The following CCDC7 variants were observed in gnomAD, a reference collection of about 807,000 sequenced individuals.
CCDC7 encodes the protein coiled-coil domain-containing protein 7.
Under a neutral mutation model 196.9 loss-of-function variants are expected in CCDC7, and 183 were observed. The ratio of observed to expected loss-of-function variants is 0.93; its 90% CI spans 0.82 to 1.05. The LOEUF (loss-of-function observed/expected upper bound fraction) is 1.05, where lower values mean the gene tolerates loss of function less well. CCDC7 is among the 50% of genes least tolerant of loss of function. The probability of loss-of-function intolerance (pLI) is 0.00; values close to 1 mark genes in which losing one functional copy is unlikely to be tolerated. For missense variants in CCDC7, 1,540 were observed against 1,482.2 expected, an observed-to-expected ratio of 1.04 and a Z score of -0.64; for synonymous variants, 525 against 484.6, an observed-to-expected ratio of 1.08 and a Z score of -1.10.
chr10:32,757,381 A>T (rs548530188), intron 28 of CCDC7, among the ~76,000 whole-genome samples: 131 of 152,354 alleles, frequency 8.6e-4, no homozygotes, highest in African/African-American at 3.1e-3. Flanking sequence ...ATGTAAAAAA[A>T]CAGAAATTAT....
intron 24 of CCDC7, among the ~76,000 whole-genome samples, chr10:32,695,611 C>T (rs1335598615): frequency 6.6e-6 from 1 of 152,016 alleles, no homozygotes; most frequent in Non-Finnish European, 1.5e-5. Flanking sequence ...CTAGCCCTTG[C>T]CGGGTAGTGT....
intron 8 of CCDC7, among the ~76,000 whole-genome samples, chr10:32,486,382 T>C (rs1423352546): frequency 1.3e-5 from 2 of 151,674 alleles, no homozygotes; most frequent in African/African-American, 4.8e-5. Flanking sequence ...ATTTTGAGCC[T>C]GTGTGTGTCT....
chr10:32,812,105 C>T (rs972584954), intron 30 of CCDC7, among the ~76,000 whole-genome samples: 1 of 152,072 alleles, frequency 6.6e-6, no homozygotes, highest in Non-Finnish European at 1.5e-5. Context: ...CAGCTAACAT[C>T]ATACTGAATG....
At chr10:32,446,382 C>T (rs1360460637) in exon 1 of CCDC7, 2 of 152,324 alleles carry the variant, frequency 1.3e-5, no homozygotes, top group African/African-American at 2.4e-5. Context: ...CACCCGACTT[C>T]CCACAGTCTC....
chr10:32,858,390 G>A (rs1479698865), intron 41 of CCDC7, among the ~76,000 whole-genome samples: 1 of 152,124 alleles, frequency 6.6e-6, no homozygotes, highest in Non-Finnish European at 1.5e-5. Context: ...ATGCAAAAAT[G>A]CTCAATTAAA....
chr10:32,544,399 T>C (rs2052062921), intron 13 of CCDC7, 98 bp downstream of exon 14: 1 of 1,247,284 alleles, frequency 8.0e-7, no homozygotes, highest in African/African-American at 1.5e-5. Context: ...TTATAGGGTA[T>C]ATATGTCTGT....
intron 9 of CCDC7, among the ~76,000 whole-genome samples, chr10:32,503,698 T>C (rs1325151835): frequency 6.6e-6 from 1 of 152,060 alleles, no homozygotes; most frequent in Non-Finnish European, 1.5e-5. Flanking sequence ...TGAGAAGGAT[T>C]GTATTAGTTC....
intron 18 of CCDC7, among the ~76,000 whole-genome samples, chr10:32,632,365 A>G (rs2064999966): frequency 6.6e-6 from 1 of 151,904 alleles, no homozygotes; most frequent in Non-Finnish European, 1.5e-5. Context: ...AAAGGGAATC[A>G]TTTATTAATA....
intron 8 of CCDC7, among the ~76,000 whole-genome samples, chr10:32,476,397 A>G (rs1046509917): frequency 1.3e-5 from 2 of 152,004 alleles, no homozygotes; most frequent in Non-Finnish European, 2.9e-5. Context: ...TTGACAGTTT[A>G]TTTCTTTTTA....
chr10:32,535,532 A>G (rs1251064267), intron 11 of CCDC7, among the ~76,000 whole-genome samples: 1 of 152,144 alleles, frequency 6.6e-6, no homozygotes, highest in African/African-American at 2.4e-5. Context: ...AGATGGATTC[A>G]AGGTTTTCTG....
intron 34 of CCDC7, 73 bp from the exon 36 acceptor site, chr10:32,845,470 A>G: frequency 1.5e-6 from 2 of 1,348,740 alleles, no homozygotes; most frequent in Admixed American, 2.0e-5. Flanking sequence ...TCCTATAATT[A>G]AACACAAAAA....
upstream of CCDC7, among the ~76,000 whole-genome samples, chr10:32,445,983 C>T (rs1403855884): frequency 8.5e-5 from 13 of 152,204 alleles, no homozygotes; most frequent in Admixed American, 7.9e-4. Flanking sequence ...AAGGAGGAGG[C>T]CGATGTGCCC....
intron 32 of CCDC7, among the ~76,000 whole-genome samples, chr10:32,830,340 C>A (rs1159824517): frequency 6.7e-6 from 1 of 149,660 alleles, no homozygotes; most frequent in Non-Finnish European, 1.5e-5. Flanking sequence ...TGGAGGTTTG[C>A]TATCTAAAAA....
rs1418283760 is a variant in CCDC7, at chr10:32,667,040, G to A, written c.2122+2879G>A. ...CTCCACATCCTCTCCAGCACCTGTT[G>A]TTTCCTGACTTTTTAATGATCACCA... is the stretch of plus-strand genomic sequence containing the variant. On this transcript the variant is annotated intron_variant, in intron 21 of 41. Transcript: ENST00000639629. 2.6e-5 allele frequency among the ~76,000 whole-genome samples: 4 copies of A among 152,110 alleles called. No homozygotes were observed. The East Asian group carries it at 7.7e-4, about 29-fold the overall frequency.
At chr10:32,852,693 T>C (rs1229180959) in intron 40 of CCDC7, among the ~76,000 whole-genome samples, 2 of 152,122 alleles carry the variant, frequency 1.3e-5, no homozygotes, top group Non-Finnish European at 2.9e-5. Context: ...TCCATAAAGG[T>C]TCTAAGTAAA....
intron 3 of CCDC7, among the ~76,000 whole-genome samples, chr10:32,458,825 T>C (rs554201104): frequency 6.6e-6 from 1 of 152,288 alleles, no homozygotes; most frequent in South Asian, 2.1e-4. Flanking sequence ...AAAATGACCA[T>C]ACTACTCAAA....
At chr10:32,535,899 T>A (rs1046388054) in intron 11 of CCDC7, among the ~76,000 whole-genome samples, 1 of 152,214 alleles carries the variant, frequency 6.6e-6, no homozygotes, top group Admixed American at 6.5e-5. Flanking sequence ...TGGATTTCCT[T>A]CTTTATCTGT....
chr10:32,520,162 A>T (rs1002791157), intron 11 of CCDC7, among the ~76,000 whole-genome samples: 4 of 152,158 alleles, frequency 2.6e-5, no homozygotes, highest in Admixed American at 2.0e-4. Flanking sequence ...TACTGAAAAC[A>T]GACCTGCAAC....
intron 20 of CCDC7, among the ~76,000 whole-genome samples, chr10:32,640,884 T>TTTTTTTTTTTTTTTC (rs2066653334): frequency 7.0e-6 from 1 of 142,768 alleles, no homozygotes; most frequent in Non-Finnish European, 1.5e-5. Flanking sequence ...TTCTTTTTTT[T>TTTTTTTTTTTTTTTC]TTTATTATAC....
Sources: gnomAD v4.1 joint callset for allele counts (sites outside exome capture counted in the v4.1 genomes callset) on GRCh38, gnomAD v4.1.1 for gene constraint, MANE v1.5 for transcripts, NCBI Gene and HGNC (gene_info 2026-07-23, HGNC 2026-07-21) for gene names.